The following HELZ variants were observed in gnomAD, a reference collection of about 807,000 sequenced individuals.
The protein encoded by HELZ is helicase with zinc finger, also known as ATP-dependent RNA helicase with zinc finger domain.
A neutral mutation model predicts 218.2 loss-of-function variants in HELZ; 23 were observed. That is an observed-to-expected ratio of 0.11 (90% confidence interval 0.08 to 0.15). The LOEUF (loss-of-function observed/expected upper bound fraction) is 0.15, where lower values mean the gene tolerates loss of function less well. Among genes scored for constraint, HELZ ranks in the 10% least tolerant of loss-of-function variants. The probability of loss-of-function intolerance (pLI) is 1.00; values close to 1 mark genes in which losing one functional copy is unlikely to be tolerated. For synonymous variants in HELZ, 814 were observed against 829.4 expected (o/e 0.98, Z 0.32); for missense variants, 1,813 against 2,353.7 (o/e 0.77, Z 4.75).
rs2037204064 is a variant in HELZ at position 67,109,288 on chromosome 17, C to T, written c.4317G>A (p.Arg1439=). 6.2e-7 allele frequency: 1 copy of T among 1,614,074 alleles called. No homozygotes were observed. Among genetic ancestry groups the T allele is most frequent in the Non-Finnish European group, 8.5e-7 (1 of 1,180,028 alleles). The change falls in exon 29 of 33, where the codon CGG becomes CGA. Residue 1439 remains arginine, a synonymous_variant. Transcript: ENST00000358691. ...NAFFNSAVAH[R]PQSPPAEAVI... ...CAGCTTCTGCAGGAGGAGACTGTGGCCGATGAGCAACTGCACTATTAAAAA... is the reference window on the plus strand; with the variant it reads ...CAGCTTCTGCAGGAGGAGACTGTGGTCGATGAGCAACTGCACTATTAAAAA...
At chr17:67,225,117 G>T in intron 3 of HELZ, 1 of 434,464 alleles carries the variant, frequency 2.3e-6, no homozygotes, top group Non-Finnish European at 4.2e-6. Flanking sequence ...TAAGCCCAAA[G>T]CATTTGTTTT....
chr17:67,128,395 AT>A, intron 24 of HELZ: 1 of 485,446 alleles, frequency 2.1e-6, no homozygotes, highest in South Asian at 3.0e-5. Flanking sequence ...TTAGAAGGTT[AT>A]TTTATATAAA....
At position 67,078,359 on chromosome 17, in the gene HELZ, G is replaced by T; in HGVS notation, c.5722C>A (p.Pro1908Thr). ...CTCTTCTTGGCCTGCTCAGGAGGGGGCCTGGGCTTTGGAGGGGCCCGCAGA... is the reference window on the plus strand; with the variant it reads ...CTCTTCTTGGCCTGCTCAGGAGGGGTCCTGGGCTTTGGAGGGGCCCGCAGA... ...SALRAPPKPR[P>T]PPEQAKKSSD... The change falls in exon 33 of 33, where the codon CCC (proline) becomes ACC (threonine). Residue 1908 changes from proline to threonine, a missense_variant. By Grantham distance (38) the Pro-to-Thr change is conservative (BLOSUM62 -1). Around this residue, in one of 4 missense-constraint regions of HELZ, gnomAD observed 938 missense variants for 1,027.5 expected, o/e 0.91. Transcript: ENST00000358691. The T allele has an allele frequency of 4.3e-6, 7 of 1,613,196 alleles. No homozygotes were observed. In the South Asian group the frequency reaches 7.7e-5, roughly 18 times the overall value.
intron 5 of HELZ, among the ~76,000 whole-genome samples, chr17:67,204,512 A>T (rs1485965885): frequency 6.6e-6 from 1 of 151,948 alleles, no homozygotes; most frequent in African/African-American, 2.4e-5. Flanking sequence ...GCTTATATTT[A>T]TCTTATTATT....
intron 31 of HELZ, among the ~76,000 whole-genome samples, chr17:67,091,865 C>T (rs935703405): frequency 6.6e-6 from 1 of 152,044 alleles, no homozygotes; most frequent in African/African-American, 2.4e-5. Flanking sequence ...CACTTAGGGT[C>T]TACTAACTTA....
intron 2 of HELZ, among the ~76,000 whole-genome samples, chr17:67,242,744 T>C (rs1233636437): frequency 6.6e-6 from 1 of 151,852 alleles, no homozygotes; most frequent in Non-Finnish European, 1.5e-5. Flanking sequence ...GAAAATGCAG[T>C]ATGTGCACTT....
chr17:67,202,701 A>G (rs2040199122), intron 6 of HELZ, among the ~76,000 whole-genome samples: 1 of 152,258 alleles, frequency 6.6e-6, no homozygotes, highest in African/African-American at 2.4e-5. Context: ...TGTCCACATC[A>G]GCATTTTAAA....
In HELZ at chr17:67,108,452, G is replaced by T; in HGVS notation, c.4724+40C>A. On this transcript the variant is annotated intron_variant, in intron 30 of 32. Transcript: ENST00000358691. This position sits in a 1 kb window ranked among gnomAD's most constrained non-coding sequence, Gnocchi z 4.1. ...ACAGTCAAAAAAGAGAACAGTGAGG[G>T]GGTCGCATTCCAGGGGCTATTTTCA... is the stretch of plus-strand genomic sequence containing the variant. 1.4e-6 allele frequency: 2 copies of T among 1,435,360 alleles called. No homozygotes were observed. Among genetic ancestry groups the T allele is most frequent in the South Asian group, 1.1e-5 (1 of 86,994 alleles). 88.9% of individuals were successfully genotyped at this position (1,435,360 alleles called of 1,614,324 possible).
intron 5 of HELZ, among the ~76,000 whole-genome samples, chr17:67,208,924 G>C (rs1260960173): frequency 6.6e-6 from 1 of 150,672 alleles, no homozygotes; most frequent in African/African-American, 2.4e-5. Context: ...CTGGATGACA[G>C]AGTGAAACTC....
At chr17:67,227,019 G>A (rs1009724906) in intron 3 of HELZ, among the ~76,000 whole-genome samples, 1 of 152,118 alleles carries the variant, frequency 6.6e-6, no homozygotes, top group Non-Finnish European at 1.5e-5. Flanking sequence ...AATAGCATGA[G>A]GGAGTTTTTA....
At position 67,173,797 on chromosome 17, in the gene HELZ, T is replaced by G. The variant is rs528057881; in HGVS notation, c.1430+4862A>C. On this transcript the variant is annotated intron_variant, in intron 13 of 32. Transcript: ENST00000358691. ...ACCCCACACCCATCTAACGATGAAA[T>G]GTGCACCCCACACTAGGCCTGTCAC... Among the ~76,000 whole-genome samples the G allele has an allele frequency of 2.0e-5, 3 of 151,088 alleles. No individual in the cohort carries two copies. In the South Asian group the frequency reaches 6.4e-4, roughly 32 times the overall value.
intron 22 of HELZ, 106 bp from the exon 23 acceptor site, chr17:67,136,304 T>G (rs925358133): frequency 1.4e-6 from 1 of 740,562 alleles, no homozygotes; most frequent in Non-Finnish European, 2.2e-6. Flanking sequence ...TAACAAACAT[T>G]GGCGAAGATG....
intron 6 of HELZ, among the ~76,000 whole-genome samples, chr17:67,201,703 C>A (rs1381274068): frequency 1.3e-5 from 2 of 152,126 alleles, no homozygotes; most frequent in Non-Finnish European, 2.9e-5. Context: ...TTACTCTTTA[C>A]TCGTTTTAAA....
intron 5 of HELZ, among the ~76,000 whole-genome samples, chr17:67,213,320 G>C (rs2143243223): frequency 6.6e-6 from 1 of 152,046 alleles, no homozygotes; most frequent in East Asian, 1.9e-4. Flanking sequence ...AAACTAATCT[G>C]ACAGTGTCTA....
intron 5 of HELZ, among the ~76,000 whole-genome samples, chr17:67,208,684 A>G (rs1239407180): frequency 6.6e-6 from 1 of 152,170 alleles, no homozygotes; most frequent in African/African-American, 2.4e-5. Flanking sequence ...TGGGAGGCCA[A>G]GGTAGGAGGA....
chr17:67,206,919 G>T (rs2040314904), intron 5 of HELZ, among the ~76,000 whole-genome samples: 1 of 132,166 alleles, frequency 7.6e-6, no homozygotes, highest in Admixed American at 7.6e-5. Context: ...TTGTTTTTTT[G>T]GGTTTTTTTT....
rs1253473819 is a variant in HELZ at position 67,188,249 on chromosome 17, G to A, written c.1162+70C>T. 3 of 1,369,520 alleles carry A rather than the reference G, an allele frequency of 2.2e-6. No homozygotes were observed. The highest frequency in any genetic ancestry group is 3.0e-6 in the Non-Finnish European group (3 of 994,228). The allele number at this position is 1,369,520 out of a possible 1,614,324, so 84.8% of individuals were successfully genotyped here. ...TCTTCCTATCCATGGAATATATTCA[G>A]GGGCCAATACATATCTTTGAATGTT... On this transcript the variant is annotated intron_variant, in intron 12 of 32. Coordinates refer to ENST00000358691, the MANE Select transcript of HELZ (RefSeq NM_014877.4). The surrounding 1 kb of genome is among the most constrained non-coding windows in gnomAD (Gnocchi z 4.1).
At chr17:67,167,941 T>A (rs1407495712) in intron 13 of HELZ, 145 bp from the exon 14 acceptor site, 1 of 642,282 alleles carries the variant, frequency 1.6e-6, no homozygotes, top group African/African-American at 1.9e-5. Context: ...AAAAACTGTA[T>A]TTTTCTGCCT....
At chr17:67,086,185 G>A in intron 32 of HELZ, among the ~76,000 whole-genome samples, 1 of 152,094 alleles carries the variant, frequency 6.6e-6, no homozygotes, top group East Asian at 1.9e-4. Context: ...CCAAACAAAG[G>A]TGATTCTATC....
Sources: gnomAD v4.1 joint callset for allele counts (sites outside exome capture counted in the v4.1 genomes callset) on GRCh38, gnomAD v4.1.1 for gene constraint, gnomAD v4.1.1 regional missense constraint, Gnocchi (gnomAD v3.1) non-coding constraint, MANE v1.5 for transcripts, NCBI Gene and HGNC (gene_info 2026-07-23, HGNC 2026-07-21) for gene names.